The following PIN4 variants were observed in gnomAD, a reference collection of about 807,000 sequenced individuals.
The protein encoded by PIN4 is peptidyl-prolyl cis-trans isomerase NIMA-interacting 4.
Under a neutral mutation model 8.3 loss-of-function variants are expected in PIN4, and 3 were observed. The observed-to-expected ratio is 0.36, with a 90% CI of 0.16 to 0.93. The LOEUF (loss-of-function observed/expected upper bound fraction) is 0.93. PIN4 is among the 40% of genes least tolerant of loss of function. The pLI, the probability that PIN4 is intolerant of heterozygous loss-of-function variation, is 0.44. For missense variants in PIN4, 75 were observed against 100.6 expected, an observed-to-expected ratio of 0.75 and a Z score of 1.09; for synonymous variants, 18 against 32.5, an observed-to-expected ratio of 0.55 and a Z score of 1.52.
chrX:72,241,452 A>T (rs1228377732), intron 3 of PIN4, among the ~76,000 whole-genome samples: 2 of 111,719 alleles, frequency 1.8e-5, no homozygotes, highest in East Asian at 5.6e-4. Flanking sequence ...CTCACCAGAT[A>T]CCAATCCTGC....
At chrX:72,188,414 A>G (rs1389907256) in intron 2 of PIN4, among the ~76,000 whole-genome samples, 1 of 110,975 alleles carries the variant, frequency 9.0e-6, no homozygotes, top group Admixed American at 9.6e-5. Flanking sequence ...CTGGAGTGCA[A>G]TGGCACGATC....
intron 3 of PIN4, among the ~76,000 whole-genome samples, chrX:72,260,199 C>T (rs1420212108): frequency 3.6e-5 from 4 of 112,252 alleles, no homozygotes; most frequent in African/African-American, 1.3e-4. Context: ...GAGACCCAGC[C>T]CCAAGTCTTC....
At chrX:72,207,783 C>T in intron 3 of PIN4, 1 of 1,210,102 alleles carries the variant, frequency 8.3e-7, no homozygotes, top group Non-Finnish European at 1.1e-6. Context: ...CTTCTTTAGT[C>T]CTCCTGAGAA....
intron 3 of PIN4, among the ~76,000 whole-genome samples, chrX:72,228,537 A>C (rs1049843505): frequency 9.9e-5 from 11 of 111,596 alleles, no homozygotes; most frequent in African/African-American, 3.6e-4. Flanking sequence ...TTGGAAGAAA[A>C]GGAAGAGAAA....
chrX:72,186,259 G>A (rs1412119006), intron 1 of PIN4: 12 of 475,337 alleles, frequency 2.5e-5, no homozygotes, highest in African/African-American at 1.7e-4. Context: ...TAGTGTTAGC[G>A]TATTTTGTGT....
chrX:72,185,366 CCTTT>C (rs1462652383), intron 1 of PIN4, among the ~76,000 whole-genome samples: 1 of 110,145 alleles, frequency 9.1e-6, no homozygotes, highest in African/African-American at 3.3e-5. Flanking sequence ...GTCTCCTCAT[CCTTT>C]CTTTGGCTAA....
intron 2 of PIN4, among the ~76,000 whole-genome samples, chrX:72,192,927 C>A (rs1372168914): frequency 9.0e-6 from 1 of 111,514 alleles, no homozygotes. Context: ...GAGTTCTTTA[C>A]TTGTTGCTTG....
chrX:72,197,486 A>T lies in PIN4; in HGVS notation c.356A>T (p.Lys119Ile). ...PVFTDPPVKTKFGYHIIMVEG... is the reference protein window; with the variant it reads ...PVFTDPPVKTIFGYHIIMVEG... ...TTTACAGACCCACCGGTTAAGACAAAATTTGGATATCATATTATTATGGTC... is the reference window on the plus strand; with the variant it reads ...TTTACAGACCCACCGGTTAAGACAATATTTGGATATCATATTATTATGGTC... The change falls in exon 4 of 4, where the codon AAA (lysine) becomes ATA (isoleucine). Residue 119 changes from lysine (K) to isoleucine (I), a missense_variant. Lys to Ile is a moderately radical substitution (Grantham distance 102). Transcript: ENST00000373669. 8.3e-7 allele frequency: 1 copy of T among 1,207,079 alleles called. No individual in the cohort carries two copies. Among genetic ancestry groups the T allele is most frequent in the Non-Finnish European group, 1.1e-6 (1 of 891,336 alleles).
chrX:72,248,265 G>A (rs1042725387), intron 3 of PIN4, among the ~76,000 whole-genome samples: 3 of 84,346 alleles, frequency 3.6e-5, no homozygotes, highest in Admixed American at 1.7e-4. Flanking sequence ...CTCCTTTTGC[G>A]CCTAGGACAT....
At chrX:72,186,776 C>T (rs1000098291) in intron 2 of PIN4, among the ~76,000 whole-genome samples, 4 of 110,762 alleles carry the variant, frequency 3.6e-5, no homozygotes, top group Non-Finnish European at 7.6e-5. Flanking sequence ...AAAAATTTGC[C>T]TGGTGTGGTG....
At chrX:72,190,508 G>A (rs991141510) in intron 2 of PIN4, among the ~76,000 whole-genome samples, 2 of 111,789 alleles carry the variant, frequency 1.8e-5, no homozygotes, top group East Asian at 5.6e-4. Context: ...CCTTGAAAAC[G>A]TCTAGCTGGG....
intron 3 of PIN4, among the ~76,000 whole-genome samples, chrX:72,234,343 G>A (rs189659576): frequency 8.9e-6 from 1 of 111,891 alleles, no homozygotes; most frequent in East Asian, 2.8e-4. Flanking sequence ...ACTACTGGTC[G>A]AGGTAGATGA....
chrX:72,261,378 T>G (rs1602464656), intron 3 of PIN4, among the ~76,000 whole-genome samples: 1 of 111,409 alleles, frequency 9.0e-6, no homozygotes, highest in East Asian at 2.8e-4. Flanking sequence ...CTGTTTGGAT[T>G]AAGTCCAAAT....
intron 2 of PIN4, among the ~76,000 whole-genome samples, chrX:72,193,935 C>T (rs1201163340): frequency 9.1e-6 from 1 of 110,478 alleles, no homozygotes; most frequent in Non-Finnish European, 1.9e-5. Context: ...TAGTTTTGTA[C>T]AGTTGCACAA....
At chrX:72,259,940 T>C (rs1280186969) in intron 3 of PIN4, among the ~76,000 whole-genome samples, 7 of 107,397 alleles carry the variant, frequency 6.5e-5, no homozygotes, top group African/African-American at 2.4e-4. Context: ...GGTTTCACCA[T>C]ATTGGCCAGG....
intron 3 of PIN4, among the ~76,000 whole-genome samples, chrX:72,224,677 G>A (rs1317582198): frequency 1.8e-5 from 2 of 111,191 alleles, no homozygotes; most frequent in Non-Finnish European, 3.8e-5. Context: ...TCCGGGAGGT[G>A]GAGGTTGCAG....
chrX:72,240,787 A>G (rs1348801633), intron 3 of PIN4, among the ~76,000 whole-genome samples: 2 of 104,005 alleles, frequency 1.9e-5, no homozygotes, highest in Admixed American at 1.0e-4. Context: ...GCGACAGAGC[A>G]AGACTCCATC....
intron 3 of PIN4, among the ~76,000 whole-genome samples, chrX:72,259,512 G>A (rs1195550639): frequency 1.8e-5 from 2 of 110,383 alleles, no homozygotes; most frequent in East Asian, 5.6e-4. Context: ...GAGCCACCAT[G>A]CCTGGCCCAG....
chrX:72,212,945 CAA>C lies in PIN4; in HGVS notation c.312+16050_312+16051del, dbSNP rs772696229. On this transcript the variant is annotated intron_variant, in intron 3 of 3. Coordinates refer to the PIN4 transcript ENST00000423432. The stretch of plus-strand genomic sequence containing the variant: ...TGGGCTACAGAGCCAGACCCTGTCT[CAA>C]AAAAAAAAGAATGTGAAGAGACAGA... 4.6e-3 allele frequency among the ~76,000 whole-genome samples: 474 copies of C among 103,711 alleles called. 2 individuals carry two copies. Among genetic ancestry groups the C allele is most frequent in the African/African-American group, 0.015 (434 of 28,536 alleles). 90.1% of individuals were successfully genotyped at this position (103,711 alleles called of 115,157 possible).
Sources: gnomAD v4.1 joint callset for allele counts (sites outside exome capture counted in the v4.1 genomes callset) on GRCh38, gnomAD v4.1.1 for gene constraint, MANE v1.5 for transcripts, NCBI Gene and HGNC (gene_info 2026-07-23, HGNC 2026-07-21) for gene names.